KIAA1549: variants seen among roughly 807,000 people sequenced by gnomAD.
KIAA1549 encodes the protein KIAA1549.
KIAA1549 carries 70 observed loss-of-function variants against 156.4 expected under a neutral mutation model. That is an observed-to-expected ratio of 0.45 (90% confidence interval 0.37 to 0.55). KIAA1549 has a LOEUF of 0.55. KIAA1549 is among the 20% of genes least tolerant of loss of function. The pLI is 0.00. For missense variants in KIAA1549, 2,428 were observed against 2,540.9 expected (o/e 0.96, Z 0.96); for synonymous variants, 1,103 against 1,066.4 (o/e 1.03, Z -0.67).
At chr7:138,851,573 G>C (rs925295194) in intron 17 of KIAA1549, among the ~76,000 whole-genome samples, 1 of 151,678 alleles carries the variant, frequency 6.6e-6, no homozygotes, top group African/African-American at 2.4e-5. Flanking sequence ...TGGGTGTGGG[G>C]GTGTGTGTGG....
chr7:138,893,201 T>C (rs1331960830), intron 10 of KIAA1549, among the ~76,000 whole-genome samples: 1 of 152,208 alleles, frequency 6.6e-6, no homozygotes, highest in African/African-American at 2.4e-5. Context: ...AACACTTAAG[T>C]TGAATGCTTT....
intron 18 of KIAA1549, among the ~76,000 whole-genome samples, 158 bp from the exon 19 acceptor site, chr7:138,840,436 T>C (rs1316203855): frequency 6.6e-6 from 1 of 151,732 alleles, no homozygotes; most frequent in Non-Finnish European, 1.5e-5. Context: ...AAATCTCACC[T>C]CAACTGCCAT....
intron 10 of KIAA1549, among the ~76,000 whole-genome samples, chr7:138,887,467 T>C (rs1811426507): frequency 6.6e-6 from 1 of 152,118 alleles, no homozygotes; most frequent in East Asian, 1.9e-4. Flanking sequence ...GCAGCCCTTT[T>C]ACAGGGATCA....
intron 1 of KIAA1549, among the ~76,000 whole-genome samples, chr7:138,928,991 G>C (rs536657439): frequency 6.6e-6 from 1 of 152,336 alleles, no homozygotes; most frequent in Non-Finnish European, 1.5e-5. Context: ...CCTTCAGCGA[G>C]TTGCAATCTT....
chr7:138,854,879 C>T (rs1258158829), intron 16 of KIAA1549, among the ~76,000 whole-genome samples: 5 of 152,118 alleles, frequency 3.3e-5, no homozygotes, highest in South Asian at 2.1e-4. Context: ...AATAACAACA[C>T]GAACCTGCCA....
At position 138,913,029 on chromosome 7, in the gene KIAA1549, C is replaced by T. The variant is rs182789269; in HGVS notation, c.2879-569G>A. Among the ~76,000 whole-genome samples, 907 of 152,278 alleles carry T rather than the reference C, an allele frequency of 6.0e-3. 6 individuals are homozygous for T. Among genetic ancestry groups the T allele is most frequent in the African/African-American group, 0.021 (878 of 41,552 alleles). ...AGCTGGGACTACAGGTGCCTGCCAC[C>T]ACGCCCGGCTAATTTTTTGTACTTT... On this transcript the variant is annotated intron_variant, in intron 2 of 19. Coordinates refer to ENST00000422774, the MANE Select transcript of KIAA1549 (RefSeq NM_001164665.2).
At chr7:138,880,690 T>C (rs34055205) in intron 11 of KIAA1549, among the ~76,000 whole-genome samples, 45,490 of 152,080 alleles carry the variant, frequency 0.3, 7,142 homozygotes, top group Middle Eastern at 0.46. Flanking sequence ...TAAACCCGAT[T>C]CTGAACTCTG....
At chr7:138,938,591 T>C (rs961612572) in intron 1 of KIAA1549, among the ~76,000 whole-genome samples, 6 of 152,228 alleles carry the variant, frequency 3.9e-5, no homozygotes, top group Admixed American at 6.5e-5. Context: ...GAAGTTAATG[T>C]AAATACTAAT....
intron 11 of KIAA1549, among the ~76,000 whole-genome samples, chr7:138,880,465 T>C (rs1811209523): frequency 6.6e-6 from 1 of 152,250 alleles, no homozygotes; most frequent in African/African-American, 2.4e-5. Context: ...TGTTCTGACA[T>C]CTATTACACT....
rs1159352568 is a variant in KIAA1549 at position 138,835,470 on chromosome 7, G to C, written c.*2436C>G. On this transcript the variant is annotated 3_prime_UTR_variant, in exon 20 of 20. Transcript: ENST00000422774. ...GAAAGACATCAAAATTGCTTTTACG[G>C]TCAGCCCAATTTGAAACAGAACCCT... The C allele has an allele frequency of 4.6e-6, 1 of 218,346 alleles. No homozygotes were observed. Among genetic ancestry groups the C allele is most frequent in the Admixed American group, 5.8e-5 (1 of 17,242 alleles). 13.5% of individuals were successfully genotyped at this position (218,346 alleles called of 1,614,324 possible). A position where few individuals can be genotyped will look rare whatever the true frequency, so the allele number is the denominator to read the frequency against.
chr7:138,934,245 G>T (rs1812947568), intron 1 of KIAA1549, among the ~76,000 whole-genome samples: 1 of 152,068 alleles, frequency 6.6e-6, no homozygotes, highest in Non-Finnish European at 1.5e-5. Flanking sequence ...TGCAGAGAAA[G>T]TGGGCTTTGA....
rs186414819 is a variant in KIAA1549, at chr7:138,873,924, T to C, written c.4346-2562A>G. ...AAGAGGGGCTTTAAATTTTTTTACA[T>C]ATACATATAATATATATCACACATA... On this transcript the variant is annotated intron_variant, in intron 12 of 19. Coordinates refer to ENST00000422774, the MANE Select transcript of KIAA1549 (RefSeq NM_001164665.2). Among the ~76,000 whole-genome samples, 341 of 149,722 alleles carry C rather than the reference T, an allele frequency of 2.3e-3. 2 individuals are homozygous for C. Among genetic ancestry groups the C allele is most frequent in the African/African-American group, 8.0e-3 (328 of 40,922 alleles).
intron 1 of KIAA1549, among the ~76,000 whole-genome samples, chr7:138,972,628 C>T (rs1039919266): frequency 6.6e-6 from 1 of 152,000 alleles, no homozygotes; most frequent in African/African-American, 2.4e-5. Flanking sequence ...CCTAACATCA[C>T]CACAGATACC....
rs2718131 is a variant in KIAA1549, at chr7:138,918,170, G to A, written c.1456C>T (p.Pro486Ser). The change falls in exon 2 of 20, where the codon CCC becomes TCC. Residue 486 changes from proline (P) to serine (S), a missense_variant. Pro to Ser is a moderately conservative substitution (Grantham distance 74, BLOSUM62 -1). Coordinates refer to ENST00000422774, the MANE Select transcript of KIAA1549 (RefSeq NM_001164665.2). The surrounding 1 kb of genome is among the most constrained non-coding windows in gnomAD (Gnocchi z 4.2). ...EDPQVFNTLF[P>S]SRPIVPLSSR... is the part of the protein sequence containing the mutation. ...GAAAGTGGGACGATAGGTCTGGAGG[G>A]GAAAAGCGTATTAAATACTTGAGGA... 6.2e-7 allele frequency: 1 copy of A among 1,613,146 alleles called. No individual in the cohort carries two copies. Among genetic ancestry groups the A allele is most frequent in the African/African-American group, 1.3e-5 (1 of 74,822 alleles).
intron 1 of KIAA1549, among the ~76,000 whole-genome samples, chr7:138,946,964 A>C (rs1188767983): frequency 1.3e-5 from 2 of 152,184 alleles, no homozygotes; most frequent in African/African-American, 2.4e-5. Flanking sequence ...GGGAGCAGGT[A>C]AACAACCCCT....
At chr7:138,868,496 C>T (rs1235887336) in intron 14 of KIAA1549, among the ~76,000 whole-genome samples, 7 of 152,136 alleles carry the variant, frequency 4.6e-5, no homozygotes, top group African/African-American at 1.2e-4. Context: ...GGCGTGATCT[C>T]GGCTCACTGC....
chr7:138,924,517 G>T (rs191468614), intron 1 of KIAA1549, among the ~76,000 whole-genome samples: 2 of 152,296 alleles, frequency 1.3e-5, no homozygotes, highest in Admixed American at 6.5e-5. Flanking sequence ...ATGCAAGCTA[G>T]AATTAAATCA....
intron 1 of KIAA1549, among the ~76,000 whole-genome samples, chr7:138,935,892 T>C (rs1812996591): frequency 6.6e-6 from 1 of 152,164 alleles, no homozygotes; most frequent in Non-Finnish European, 1.5e-5. Context: ...GCACCATGTC[T>C]GGACAAAGTG....
At chr7:138,945,469 C>T (rs1033556016) in intron 1 of KIAA1549, among the ~76,000 whole-genome samples, 2 of 152,232 alleles carry the variant, frequency 1.3e-5, no homozygotes, top group African/African-American at 4.8e-5. Context: ...CTTTGCAAAC[C>T]AAGCCCCTCA....
Sources: allele counts gnomAD v4.1 joint callset (sites outside exome capture counted in the v4.1 genomes callset), GRCh38; gene constraint gnomAD v4.1.1; non-coding constraint Gnocchi (gnomAD v3.1); transcripts MANE v1.5; gene names NCBI Gene and HGNC (gene_info 2026-07-23, HGNC 2026-07-21).